BAZ2B: variants seen among roughly 807,000 people sequenced by gnomAD.
The protein encoded by BAZ2B is bromodomain adjacent to zinc finger domain protein 2B.
BAZ2B carries 91 observed loss-of-function variants against 246.0 expected under a neutral mutation model. The observed-to-expected ratio is 0.37, with a 90% CI of 0.31 to 0.44. The LOEUF (loss-of-function observed/expected upper bound fraction) is 0.44, where lower values mean the gene tolerates loss of function less well. BAZ2B is among the 20% of genes least tolerant of loss of function. The pLI is 1.00. For missense variants in BAZ2B, 2,332 were observed against 2,533.7 expected, an observed-to-expected ratio of 0.92 and a Z score of 1.71; for synonymous variants, 855 against 860.0, an observed-to-expected ratio of 0.99 and a Z score of 0.10.
chr2:159,521,075 C>T (rs2084073761), intron 2 of BAZ2B, among the ~76,000 whole-genome samples: 1 of 152,014 alleles, frequency 6.6e-6, no homozygotes, highest in Non-Finnish European at 1.5e-5. Flanking sequence ...AATATATACA[C>T]TCCCTTACCA....
At chr2:159,641,257 C>A in the BAZ2B span, among the ~76,000 whole-genome samples, 2 of 152,142 alleles carry the variant, frequency 1.3e-5, no homozygotes, top group Non-Finnish European at 2.9e-5. Flanking sequence ...TTAATAATAG[C>A]CAGTCTGACT....
chr2:159,611,381 G>C (rs908980276), intron 1 of BAZ2B, among the ~76,000 whole-genome samples: 1 of 151,816 alleles, frequency 6.6e-6, no homozygotes, highest in African/African-American at 2.4e-5. Flanking sequence ...TAAATATTGA[G>C]TCATAGTCAA....
intron 4 of BAZ2B, among the ~76,000 whole-genome samples, chr2:159,452,910 G>C (rs56094034): frequency 0.12 from 18,537 of 152,116 alleles, 1,432 homozygotes; most frequent in South Asian, 0.17. Context: ...GACCAGCCTG[G>C]CCAACATGGC....
At chr2:159,359,050 G>C (rs748059191) in intron 27 of BAZ2B, among the ~76,000 whole-genome samples, 1 of 151,898 alleles carries the variant, frequency 6.6e-6, no homozygotes, top group Non-Finnish European at 1.5e-5. Context: ...TAAAAGAACT[G>C]AGAGGCAAGA....
At chr2:159,699,440 G>A in the BAZ2B span, among the ~76,000 whole-genome samples, 2 of 152,032 alleles carry the variant, frequency 1.3e-5, no homozygotes, top group Admixed American at 1.3e-4. Flanking sequence ...TGGAAGCTGA[G>A]TCAGGAGGAT....
intron 13 of BAZ2B, among the ~76,000 whole-genome samples, chr2:159,424,136 T>G (rs1559362732): frequency 6.6e-6 from 1 of 152,104 alleles, no homozygotes; most frequent in Admixed American, 6.5e-5. Flanking sequence ...AAGAAAAAAG[T>G]TTTTTCAATT....
chr2:159,449,069 G>A (rs183844977), intron 4 of BAZ2B, among the ~76,000 whole-genome samples: 1 of 152,154 alleles, frequency 6.6e-6, no homozygotes, highest in African/African-American at 2.4e-5. Context: ...AATGATGAAA[G>A]CCTGAATTTT....
intron 1 of BAZ2B, among the ~76,000 whole-genome samples, chr2:159,587,344 C>T (rs1463030567): frequency 1.3e-5 from 2 of 151,928 alleles, no homozygotes; most frequent in Admixed American, 6.6e-5. Flanking sequence ...CCTCCCAAAG[C>T]GCTGGGATTA....
the BAZ2B span, among the ~76,000 whole-genome samples, chr2:159,683,125 G>A: frequency 1.3e-5 from 2 of 151,832 alleles, no homozygotes; most frequent in African/African-American, 4.8e-5. Context: ...GCTTTCCTTG[G>A]GCTGTCCAAG....
intron 17 of BAZ2B, among the ~76,000 whole-genome samples, chr2:159,400,109 C>T (rs551145741): frequency 6.6e-6 from 1 of 152,290 alleles, no homozygotes; most frequent in Non-Finnish European, 1.5e-5. Context: ...ATTACTTTTG[C>T]TGTTGCCAAC....
chr2:159,626,058 A>T, the BAZ2B span, among the ~76,000 whole-genome samples: 1 of 152,094 alleles, frequency 6.6e-6, no homozygotes, highest in East Asian at 1.9e-4. Flanking sequence ...ACTTTAAACT[A>T]ACAAAGATCA....
intron 1 of BAZ2B, among the ~76,000 whole-genome samples, chr2:159,568,045 G>C (rs1683060566): frequency 6.6e-6 from 1 of 152,136 alleles, no homozygotes; most frequent in African/African-American, 2.4e-5. Context: ...TTAATCTCTG[G>C]AAAGTGCACA....
the BAZ2B span, among the ~76,000 whole-genome samples, chr2:159,706,758 T>C: frequency 6.6e-6 from 1 of 152,250 alleles, no homozygotes; most frequent in Non-Finnish European, 1.5e-5. Context: ...GTTAATTTTA[T>C]ACGACAGCTT....
chr2:159,324,751 T>C (rs1026374155), intron 36 of BAZ2B, 60 bp downstream of exon 36: 3 of 1,247,282 alleles, frequency 2.4e-6, no homozygotes, highest in Admixed American at 3.3e-5. Flanking sequence ...TCACTAAAAA[T>C]ATGCCTAGCA....
chr2:159,581,448 A>T (rs1686755639), intron 1 of BAZ2B, among the ~76,000 whole-genome samples: 1 of 152,190 alleles, frequency 6.6e-6, no homozygotes, highest in Admixed American at 6.5e-5. Context: ...ATGTGGAGAA[A>T]TAGGAACACT....
the BAZ2B span, among the ~76,000 whole-genome samples, chr2:159,674,526 C>T: frequency 1.3e-5 from 2 of 151,734 alleles, no homozygotes; most frequent in Non-Finnish European, 2.9e-5. Context: ...ACCAGCCTGG[C>T]CAACATGGTG....
chr2:159,390,091 G>A (rs1214788869), intron 20 of BAZ2B, among the ~76,000 whole-genome samples: 4 of 151,996 alleles, frequency 2.6e-5, no homozygotes, highest in Admixed American at 6.6e-5. Flanking sequence ...TACCATTATC[G>A]TTACTTTTTC....
the BAZ2B span, among the ~76,000 whole-genome samples, chr2:159,706,084 A>AACACACACACACAC: frequency 0.14 from 20,460 of 149,630 alleles, 1,633 homozygotes; most frequent in African/African-American, 0.21. Context: ...AAACATATAT[A>AACACACACACACAC]ACACACACAC....
At chr2:159,698,300 T>C in the BAZ2B span, among the ~76,000 whole-genome samples, 6 of 151,972 alleles carry the variant, frequency 3.9e-5, no homozygotes, top group Non-Finnish European at 7.4e-5. Flanking sequence ...GGTGGGAGGA[T>C]TGCTTGAGTC....
Sources: gnomAD v4.1 joint callset for allele counts (sites outside exome capture counted in the v4.1 genomes callset) on GRCh38, gnomAD v4.1.1 for gene constraint, MANE v1.5 for transcripts, NCBI Gene and HGNC (gene_info 2026-07-23, HGNC 2026-07-21) for gene names.